Variants in GRIP1 observed in about 807,000 individuals in gnomAD.
The protein encoded by GRIP1 is glutamate receptor-interacting protein 1.
In GRIP1, 45 loss-of-function variants were observed where a neutral mutation model predicts 129.9. The observed-to-expected ratio is 0.35, with a 90% CI of 0.27 to 0.44. GRIP1 has a LOEUF of 0.44. GRIP1 is among the 20% of genes least tolerant of loss of function. The pLI, the probability that GRIP1 is intolerant of heterozygous loss-of-function variation, is 1.00. For missense variants in GRIP1, 1,196 were observed against 1,396.8 expected, an observed-to-expected ratio of 0.86 and a Z score of 2.29; for synonymous variants, 530 against 520.8, an observed-to-expected ratio of 1.02 and a Z score of -0.24.
intron 1 of GRIP1, among the ~76,000 whole-genome samples, chr12:66,892,642 A>C (rs987564379): frequency 6.6e-6 from 1 of 152,102 alleles, no homozygotes; most frequent in African/African-American, 2.4e-5. Context: ...ACACATATGG[A>C]TTTGTGCAAT....
intron 1 of GRIP1, among the ~76,000 whole-genome samples, chr12:66,705,642 C>T (rs1402184228): frequency 1.4e-4 from 22 of 152,106 alleles, no homozygotes; most frequent in Admixed American, 1.4e-3. Flanking sequence ...ATCATGCTAC[C>T]TGATTTCAAA....
In GRIP1 at chr12:66,660,651, T is replaced by C. The variant is rs200748996; in HGVS notation, c.55+18199A>G. Among the ~76,000 whole-genome samples, 3 of 152,260 alleles carry C rather than the reference T, an allele frequency of 2.0e-5. No homozygotes were observed. In the East Asian group the frequency reaches 5.8e-4, roughly 29 times the overall value. On this transcript the variant is annotated intron_variant, in intron 1 of 24. Coordinates refer to ENST00000359742, the MANE Select transcript of GRIP1 (RefSeq NM_001366722.1). Reference sequence around the variant, plus strand: ...TTTCTCATAAACCAGTTTCAGCCCATTGTTTCATATGGCAGCACATAACAC... The same window carrying C: ...TTTCTCATAAACCAGTTTCAGCCCACTGTTTCATATGGCAGCACATAACAC...
intron 1 of GRIP1, among the ~76,000 whole-genome samples, chr12:67,004,411 C>G (rs1046877081): frequency 6.6e-6 from 1 of 152,088 alleles, no homozygotes; most frequent in Non-Finnish European, 1.5e-5. Flanking sequence ...TGGAAAATCA[C>G]CTGGATGGCA....
At chr12:66,666,318 A>G (rs2033794138) in intron 1 of GRIP1, among the ~76,000 whole-genome samples, 1 of 152,198 alleles carries the variant, frequency 6.6e-6, no homozygotes, top group Non-Finnish European at 1.5e-5. Flanking sequence ...AGAATCTTCC[A>G]AGTATAAAGG....
At chr12:66,869,100 A>G (rs1290221538) in intron 1 of GRIP1, among the ~76,000 whole-genome samples, 2 of 152,036 alleles carry the variant, frequency 1.3e-5, no homozygotes, top group Non-Finnish European at 2.9e-5. Flanking sequence ...TTATGTATGT[A>G]CATATCTTAT....
intron 23 of GRIP1, among the ~76,000 whole-genome samples, chr12:66,369,293 A>G (rs1453679994): frequency 6.7e-6 from 1 of 148,378 alleles, no homozygotes; most frequent in East Asian, 2.0e-4. Flanking sequence ...ACAGCCATTC[A>G]TTATGCCAGT....
At chr12:66,979,257 A>ACAG (rs2042208441) in intron 1 of GRIP1, among the ~76,000 whole-genome samples, 1 of 140,396 alleles carries the variant, frequency 7.1e-6, no homozygotes, top group African/African-American at 2.7e-5. Context: ...AAAAAAAACA[A>ACAG]GCCCGTCATC....
intron 1 of GRIP1, among the ~76,000 whole-genome samples, chr12:66,779,058 T>C (rs759527857): frequency 1.3e-5 from 2 of 152,154 alleles, no homozygotes; most frequent in African/African-American, 2.4e-5. Flanking sequence ...AAAGAAAAGA[T>C]GGAGAAATCA....
chr12:66,476,770 C>G (rs1241950268), intron 7 of GRIP1, among the ~76,000 whole-genome samples: 5 of 152,230 alleles, frequency 3.3e-5, no homozygotes, highest in East Asian at 3.9e-4. Context: ...GAACCAAAGA[C>G]AAAAACTACA....
intron 2 of GRIP1, among the ~76,000 whole-genome samples, chr12:66,582,685 A>G (rs1014114280): frequency 7.0e-6 from 1 of 143,178 alleles, no homozygotes; most frequent in Non-Finnish European, 1.5e-5. Flanking sequence ...AATACCTAGG[A>G]ATCCAACTTA....
intron 2 of GRIP1, among the ~76,000 whole-genome samples, chr12:66,576,033 A>G (rs2063128096): frequency 6.6e-6 from 1 of 152,246 alleles, no homozygotes; most frequent in African/African-American, 2.4e-5. Context: ...AGGTATGCTG[A>G]AAGGCTGGAA....
chr12:66,617,081 C>CAAA (rs1414858914), intron 1 of GRIP1, among the ~76,000 whole-genome samples: 1 of 72,548 alleles, frequency 1.4e-5, no homozygotes, highest in African/African-American at 5.6e-5. Flanking sequence ...AAGCAACAGA[C>CAAA]GTTTTGTGTG....
chr12:66,409,196 G>A (rs957817693), intron 15 of GRIP1, among the ~76,000 whole-genome samples: 2 of 152,172 alleles, frequency 1.3e-5, no homozygotes, highest in African/African-American at 2.4e-5. Flanking sequence ...TAGCCAGTAA[G>A]GGTTTACTGG....
At chr12:66,741,711 T>C (rs957226064) in intron 1 of GRIP1, among the ~76,000 whole-genome samples, 12 of 152,222 alleles carry the variant, frequency 7.9e-5, no homozygotes, top group African/African-American at 2.9e-4. Flanking sequence ...GAATCTGGTA[T>C]GTATTCTGTA....
intron 14 of GRIP1, among the ~76,000 whole-genome samples, chr12:66,421,389 C>A (rs919060232): frequency 6.6e-6 from 1 of 152,032 alleles, no homozygotes; most frequent in Non-Finnish European, 1.5e-5. Context: ...ACGAAAAACA[C>A]AAAAATTAGA....
At chr12:67,024,225 A>G (rs150535929) in intron 1 of GRIP1, among the ~76,000 whole-genome samples, 1 of 152,276 alleles carries the variant, frequency 6.6e-6, no homozygotes, top group African/African-American at 2.4e-5. Flanking sequence ...TGAAACACAA[A>G]CAAATAATCA....
intron 1 of GRIP1, among the ~76,000 whole-genome samples, chr12:66,945,041 C>T (rs184741386): frequency 6.6e-6 from 1 of 152,192 alleles, no homozygotes; most frequent in Admixed American, 6.5e-5. Context: ...GACCCACCCA[C>T]CTTGGCCTCC....
At chr12:66,631,398 T>C (rs2140042705) in intron 1 of GRIP1, among the ~76,000 whole-genome samples, 1 of 152,346 alleles carries the variant, frequency 6.6e-6, no homozygotes, top group African/African-American at 2.4e-5. Flanking sequence ...GATAAATATT[T>C]GTTCATTGGC....
intron 1 of GRIP1, among the ~76,000 whole-genome samples, chr12:66,689,090 G>C (rs748908175): frequency 7.2e-5 from 11 of 152,176 alleles, no homozygotes; most frequent in Non-Finnish European, 1.5e-4. Flanking sequence ...GCTCAGGCAG[G>C]CTGGCTGGGA....
Sources: gnomAD v4.1 joint callset for allele counts (sites outside exome capture counted in the v4.1 genomes callset) on GRCh38, gnomAD v4.1.1 for gene constraint, MANE v1.5 for transcripts, NCBI Gene and HGNC (gene_info 2026-07-23, HGNC 2026-07-21) for gene names.